Variants in ERBIN observed in about 807,000 individuals in gnomAD.
ERBIN encodes densin-180-like protein.
ERBIN carries 60 observed loss-of-function variants against 158.4 expected under a neutral mutation model. The observed-to-expected ratio is 0.38, with a 90% CI of 0.31 to 0.47. The LOEUF (loss-of-function observed/expected upper bound fraction) is 0.47. ERBIN is among the 20% of genes least tolerant of loss of function. The pLI is 0.99. For synonymous variants in ERBIN, 594 were observed against 557.2 expected, an observed-to-expected ratio of 1.07 and a Z score of -0.93; for missense variants, 1,610 against 1,648.0, an observed-to-expected ratio of 0.98 and a Z score of 0.40.
Position 65,926,685 on chromosome 5 carries a change from G to A in ERBIN, c.-179G>A, listed in dbSNP as rs1054401464. The A allele has an allele frequency of 2.0e-5, 3 of 151,848 alleles. No homozygotes were observed. Among genetic ancestry groups the A allele is most frequent in the African/African-American group, 7.3e-5 (3 of 41,310 alleles). 9.4% of individuals were successfully genotyped at this position (151,848 alleles called of 1,614,324 possible). A position where few individuals can be genotyped will look rare whatever the true frequency, so the allele number is the denominator to read the frequency against. ...CCTACTCTTCTTCTGTGGGAGGCCAGTCCACATCCGCTCTCACCCGAGAGA... is the reference window on the plus strand; with the variant it reads ...CCTACTCTTCTTCTGTGGGAGGCCAATCCACATCCGCTCTCACCCGAGAGA... On this transcript the variant is annotated 5_prime_UTR_variant, in exon 1 of 26. Coordinates refer to ENST00000284037, the MANE Select transcript of ERBIN (RefSeq NM_001253697.2).
In ERBIN at chr5:66,081,587, GAA is replaced by G. The variant is rs1336558377; in HGVS notation, c.*3059_*3060del. The G allele has an allele frequency of 1.3e-5, 2 of 152,022 alleles. No homozygotes were observed. The highest frequency in any genetic ancestry group is 2.9e-5 in the Non-Finnish European group (2 of 67,938). The allele number at this position is 152,022 out of a possible 1,614,324, so 9.4% of individuals were successfully genotyped here. ...TTTATTTACAAAATTCGGGGTTAGA[GAA>G]ATTCTCATGAAAAATATACAATTTT... On this transcript the variant is annotated 3_prime_UTR_variant, in exon 26 of 26. Coordinates refer to ENST00000284037, the MANE Select transcript of ERBIN (RefSeq NM_001253697.2).
Position 66,075,235 on chromosome 5 carries a change from G to A in ERBIN, c.3963+5G>A, listed in dbSNP as rs1761879305. On this transcript the variant is annotated splice_donor_5th_base_variant and intron_variant, in intron 23 of 25. Transcript: ENST00000284037. ...CATGAACTGGCAAAACAAGAGGTAA[G>A]AATAATCAAGACTATTTGAAATATG... is the stretch of plus-strand genomic sequence containing the variant. The A allele has an allele frequency of 1.9e-6, 3 of 1,609,690 alleles. No individual in the cohort carries two copies. Among genetic ancestry groups the A allele is most frequent in the Non-Finnish European group, 2.6e-6 (3 of 1,175,982 alleles).
intron 4 of ERBIN, among the ~76,000 whole-genome samples, chr5:66,009,105 G>A (rs1753927779): frequency 6.6e-6 from 1 of 152,190 alleles, no homozygotes; most frequent in African/African-American, 2.4e-5. Flanking sequence ...AGCATGACAT[G>A]TACCCTAGAA....
chr5:66,030,538 C>T (rs1332149548), intron 14 of ERBIN, among the ~76,000 whole-genome samples: 4 of 149,690 alleles, frequency 2.7e-5, no homozygotes, highest in Admixed American at 6.7e-5. Context: ...AACTCTTAGA[C>T]TAATTCTATT....
intron 17 of ERBIN, 123 bp downstream of exon 17, chr5:66,044,433 C>T (rs765806625): frequency 1.0e-5 from 9 of 883,036 alleles, no homozygotes; most frequent in Non-Finnish European, 1.5e-5. Context: ...AATGATATTT[C>T]GGTCGACATG....
At position 65,978,234 on chromosome 5, in the gene ERBIN, A is replaced by G. The variant is rs575688623; in HGVS notation, c.-57-10401A>G. Among the ~76,000 whole-genome samples the G allele has an allele frequency of 3.9e-5, 6 of 152,242 alleles. No homozygotes were observed. In the East Asian group the frequency reaches 9.6e-4, roughly 24 times the overall value. ...CTTTTCCAAGTATTGCTATGAGCCTATATTGAGCTGTTTCTTTCCTCATTC... is the reference window on the plus strand; with the variant it reads ...CTTTTCCAAGTATTGCTATGAGCCTGTATTGAGCTGTTTCTTTCCTCATTC... On this transcript the variant is annotated intron_variant, in intron 1 of 25. Coordinates refer to ENST00000284037, the MANE Select transcript of ERBIN (RefSeq NM_001253697.2).
Position 65,942,583 on chromosome 5 carries a change from A to G in ERBIN, c.-58+15777A>G, listed in dbSNP as rs571069512. Among the ~76,000 whole-genome samples, 4 of 152,336 alleles carry G rather than the reference A, an allele frequency of 2.6e-5. No homozygotes were observed. The South Asian group carries it at 8.3e-4, about 32-fold the overall frequency. ...TTGAGCCAAGAAGTTTCAGAGAAAG[A>G]TTTATCCTTAAAGTAGTGTGTAATT... On this transcript the variant is annotated intron_variant, in intron 1 of 25. Coordinates refer to ENST00000284037, the MANE Select transcript of ERBIN (RefSeq NM_001253697.2).
chr5:65,932,778 A>C (rs780284560), intron 1 of ERBIN, among the ~76,000 whole-genome samples: 2 of 152,066 alleles, frequency 1.3e-5, no homozygotes, highest in African/African-American at 2.4e-5. Flanking sequence ...TAAGAATTCT[A>C]GTTTTTCATA....
chr5:65,950,457 A>G (rs1746365533), intron 1 of ERBIN, among the ~76,000 whole-genome samples: 1 of 152,234 alleles, frequency 6.6e-6, no homozygotes, highest in Non-Finnish European at 1.5e-5. Context: ...TTTAGAAAGA[A>G]TATCACGCAA....
At chr5:66,000,651 C>G (rs1307991922) in intron 4 of ERBIN, among the ~76,000 whole-genome samples, 1 of 152,124 alleles carries the variant, frequency 6.6e-6, no homozygotes, top group Non-Finnish European at 1.5e-5. Context: ...TTAAATTGGT[C>G]TGTTCTTGTT....
chr5:65,986,215 G>C (rs1396255203), intron 1 of ERBIN, among the ~76,000 whole-genome samples: 1 of 152,160 alleles, frequency 6.6e-6, no homozygotes, highest in African/African-American at 2.4e-5. Context: ...ATATCCAGCT[G>C]CTTACTCAGT....
Position 66,069,113 on chromosome 5 carries a change from A to T in ERBIN, c.3634-3056A>T, listed in dbSNP as rs189075029. On this transcript the variant is annotated intron_variant, in intron 21 of 25. Coordinates refer to ENST00000284037, the MANE Select transcript of ERBIN (RefSeq NM_001253697.2). ...AATGTTTCCAGGAAAAAAAATGTTTACTCTGGGTTAGAAACCTTGATTTCC... is the reference window on the plus strand; with the variant it reads ...AATGTTTCCAGGAAAAAAAATGTTTTCTCTGGGTTAGAAACCTTGATTTCC... 2.7e-4 allele frequency: 326 copies of T among 1,204,464 alleles called. No homozygotes were observed. In the African/African-American group the frequency reaches 4.5e-3, roughly 17 times the overall value. The allele number at this position is 1,204,464 out of a possible 1,614,324, so 74.6% of individuals were successfully genotyped here.
chr5:66,048,611 A>G, intron 18 of ERBIN, 56 bp from the exon 19 acceptor site: 1 of 921,362 alleles, frequency 1.1e-6, no homozygotes, highest in South Asian at 1.5e-5. Flanking sequence ...CTTAATATTT[A>G]TTTATTTAAA....
chr5:66,042,267 T>C (rs982285318), intron 15 of ERBIN, among the ~76,000 whole-genome samples: 3 of 152,072 alleles, frequency 2.0e-5, no homozygotes, highest in African/African-American at 4.8e-5. Flanking sequence ...TGCACAACTA[T>C]GGAATGATAT....
rs761113985 is a variant in ERBIN, at chr5:66,025,972, C to G, written c.1015C>G (p.Pro339Ala). 1.3e-5 allele frequency: 20 copies of G among 1,578,022 alleles called. No homozygotes were observed. In the East Asian group the frequency reaches 4.5e-4, roughly 35 times the overall value. The change falls in exon 12 of 26, where the codon CCA (proline) becomes GCA (alanine). Residue 339 changes from proline to alanine, a missense_variant. By Grantham distance (27) the Pro-to-Ala change is conservative. Coordinates refer to ENST00000284037, the MANE Select transcript of ERBIN (RefSeq NM_001253697.2). ...TCATAATTACTTACAGCAGTTGCCC[C>G]CAGAGGTAATGTATTTTAGATTTGT... ...ADHNYLQQLP[P>A]EIGSWKNITV...
chr5:66,025,285 A>G, intron 10 of ERBIN, 195 bp from the exon 11 acceptor site: 1 of 593,282 alleles, frequency 1.7e-6, no homozygotes, highest in Non-Finnish European at 3.0e-6. Context: ...TATGTTAAAT[A>G]GTGATGTGGA....
At chr5:66,015,135 T>A (rs181510351) in intron 7 of ERBIN, among the ~76,000 whole-genome samples, 1 of 152,096 alleles carries the variant, frequency 6.6e-6, no homozygotes, top group Non-Finnish European at 1.5e-5. Context: ...GGCTATGTAG[T>A]GTATTGTAAA....
Position 66,050,940 on chromosome 5 carries a change from T to C in ERBIN, c.2061T>C (p.Thr687=), listed in dbSNP as rs142536007. 153 of 1,603,926 alleles carry C rather than the reference T, an allele frequency of 9.5e-5. 1 individual carries two copies. The East Asian group carries it at 3.4e-3, about 36-fold the overall frequency. The change falls in exon 20 of 26, where the codon ACT becomes ACC. Residue 687 remains threonine (T), a synonymous_variant. Transcript: ENST00000284037. ...DTSLCSPVKQ[T]HIDINSKIRQ... ...CACTCTGCTCTCCAGTGAAACAAAC[T>C]CATATTGATATTAATTCCAAAATCA...
At chr5:66,074,342 T>A (rs1761792301) in intron 22 of ERBIN, among the ~76,000 whole-genome samples, 1 of 152,154 alleles carries the variant, frequency 6.6e-6, no homozygotes, top group Admixed American at 6.5e-5. Flanking sequence ...ATTTAAATTT[T>A]TTTGCTGTTT....
Sources: gnomAD v4.1 joint callset for allele counts (sites outside exome capture counted in the v4.1 genomes callset) on GRCh38, gnomAD v4.1.1 for gene constraint, MANE v1.5 for transcripts, NCBI Gene and HGNC (gene_info 2026-07-23, HGNC 2026-07-21) for gene names.